Variants in ZNF254 observed in about 807,000 individuals in gnomAD.
ZNF254 encodes the protein CTD-2017D11.1.
In ZNF254, 10 loss-of-function variants were observed where a neutral mutation model predicts 12.4. The observed-to-expected ratio is 0.80, with a 90% CI of 0.50 to 1.36. The LOEUF (loss-of-function observed/expected upper bound fraction) is 1.36. Among genes scored for constraint, ZNF254 ranks in the 40% most tolerant of loss-of-function variants. The probability of loss-of-function intolerance (pLI) is 0.00; values close to 1 mark genes in which losing one functional copy is unlikely to be tolerated. For synonymous variants in ZNF254, 305 were observed against 253.4 expected, an observed-to-expected ratio of 1.20 and a Z score of -1.93; for missense variants, 996 against 763.9, an observed-to-expected ratio of 1.30 and a Z score of -3.58.
At chr19:24,115,580 C>T (rs183339098) in intron 3 of ZNF254, among the ~76,000 whole-genome samples, 5 of 151,576 alleles carry the variant, frequency 3.3e-5, no homozygotes, top group South Asian at 2.1e-4. Flanking sequence ...TGCTAGATGA[C>T]GAGTTAATGG....
chr19:24,100,140 T>A (rs1198978214), intron 1 of ZNF254, among the ~76,000 whole-genome samples: 1 of 152,158 alleles, frequency 6.6e-6, no homozygotes, highest in East Asian at 1.9e-4. Context: ...ATAGGGCAGA[T>A]ATTAATCATT....
rs1313434096 is a variant in ZNF254, at chr19:24,127,846, A to G, written c.1846A>G (p.Thr616Ala). The G allele has an allele frequency of 5.0e-6, 8 of 1,613,284 alleles. No homozygotes were observed. The change falls in exon 4 of 4, where the codon ACC becomes GCC. Residue 616 changes from threonine (T) to alanine (A), a missense_variant. Coordinates refer to ENST00000357002, the MANE Select transcript of ZNF254 (RefSeq NM_203282.4). The part of the protein sequence containing the change: ...ECGKAFFWSS[T>A]LTKHKRIHTG... ...TGGCAAAGCATTTTTCTGGTCCTCA[A>G]CCCTAACTAAACATAAGAGAATTCA...
intron 2 of ZNF254, among the ~76,000 whole-genome samples, chr19:24,047,597 T>C (rs1308836979): frequency 2.0e-5 from 1 of 49,980 alleles, no homozygotes; most frequent in African/African-American, 9.2e-5. Flanking sequence ...TCATTCTTCC[T>C]TTTTTTTTTT....
chr19:24,067,312 A>C (rs760109376), intron 2 of ZNF254, among the ~76,000 whole-genome samples: 1 of 151,924 alleles, frequency 6.6e-6, no homozygotes, highest in Non-Finnish European at 1.5e-5. Context: ...TGGGCCCAGC[A>C]CACAGGGGAT....
At chr19:24,082,148 A>G (rs1475382712) in intron 2 of ZNF254, among the ~76,000 whole-genome samples, 1 of 151,888 alleles carries the variant, frequency 6.6e-6, no homozygotes, top group African/African-American at 2.4e-5. Flanking sequence ...AAAAGATAAT[A>G]TCGAGTCTCG....
chr19:24,110,644 C>A (rs1344960410), intron 3 of ZNF254, among the ~76,000 whole-genome samples: 3 of 152,064 alleles, frequency 2.0e-5, no homozygotes, highest in African/African-American at 7.2e-5. Context: ...AATTTTACAT[C>A]TTGTAAAACT....
intron 2 of ZNF254, among the ~76,000 whole-genome samples, chr19:24,056,941 C>T (rs1395554357): frequency 6.6e-6 from 1 of 151,574 alleles, no homozygotes; most frequent in African/African-American, 2.4e-5. Flanking sequence ...CTGCTCACTC[C>T]CTATCCACAG....
intron 1 of ZNF254, among the ~76,000 whole-genome samples, chr19:24,034,488 G>GTTTTTTT (rs963358053): frequency 1.9e-4 from 20 of 107,344 alleles, no homozygotes; most frequent in East Asian, 3.3e-4. Context: ...AGGTAAGTGG[G>GTTTTTTT]TTTTTTTTTT....
Position 24,071,837 on chromosome 19 carries a change from G to A in ZNF254, c.-94+25558G>A, listed in dbSNP as rs192898940. On this transcript the variant is annotated intron_variant, in intron 2 of 4. Transcript: ENST00000613065. The stretch of plus-strand genomic sequence containing the variant: ...AGGAGAGTTACATCACTTAGGTGAT[G>A]AACAAAATGATATGTCATAATTCCC... Among the ~76,000 whole-genome samples the A allele has an allele frequency of 3.0e-3, 459 of 152,210 alleles. 2 individuals carry two copies. Among genetic ancestry groups the A allele is most frequent in the African/African-American group, 0.011 (446 of 41,550 alleles).
chr19:24,063,251 C>T (rs994606697), intron 2 of ZNF254, among the ~76,000 whole-genome samples: 7 of 152,224 alleles, frequency 4.6e-5, no homozygotes, highest in Non-Finnish European at 1.0e-4. Context: ...AATGTCATCA[C>T]AAGACCTTTC....
At chr19:24,072,126 G>A (rs1432471501) in intron 2 of ZNF254, among the ~76,000 whole-genome samples, 1 of 151,610 alleles carries the variant, frequency 6.6e-6, no homozygotes, top group Non-Finnish European at 1.5e-5. Flanking sequence ...ACATATCACT[G>A]GACCCAGCAT....
At position 24,071,754 on chromosome 19, in the gene ZNF254, T is replaced by G. The variant is rs141648044; in HGVS notation, c.-94+25475T>G. 4.9e-4 allele frequency among the ~76,000 whole-genome samples: 75 copies of G among 152,276 alleles called. No individual in the cohort carries two copies. The East Asian group carries it at 0.012, about 25-fold the overall frequency. On this transcript the variant is annotated intron_variant, in intron 2 of 4. Transcript: ENST00000613065. Reference sequence around the variant, plus strand: ...CCAAGGAGGGATTGTGATGTATTGCTGGGCCCAGCACCTTGGTGATGTGAC... The same window carrying G: ...CCAAGGAGGGATTGTGATGTATTGCGGGGCCCAGCACCTTGGTGATGTGAC...
Position 24,127,033 on chromosome 19 carries a change from A to C in ZNF254, c.1033A>C (p.Thr345Pro). 3 of 1,613,720 alleles carry C rather than the reference A, an allele frequency of 1.9e-6. No homozygotes were observed. Among genetic ancestry groups the C allele is most frequent in the Non-Finnish European group, 2.5e-6 (3 of 1,179,824 alleles). ...STLTRHKRMHTGEKPYKCEEC... is the reference protein window; with the variant it reads ...STLTRHKRMHPGEKPYKCEEC... ...ACTAACTAGACATAAGAGGATGCAC[A>C]CTGGAGAGAAACCCTACAAATGTGA... Residue 345 changes from threonine to proline, a missense_variant, in exon 4 of 4, where the codon ACT becomes CCT. By Grantham distance (38) the Thr-to-Pro change is conservative. Coordinates refer to ENST00000357002, the MANE Select transcript of ZNF254 (RefSeq NM_203282.4).
intron 2 of ZNF254, among the ~76,000 whole-genome samples, chr19:24,073,629 G>C (rs1373708628): frequency 1.3e-5 from 2 of 152,150 alleles, no homozygotes; most frequent in African/African-American, 2.4e-5. Flanking sequence ...GTAGCCAAAA[G>C]CTGGAAAATT....
intron 3 of ZNF254, among the ~76,000 whole-genome samples, chr19:24,120,343 A>G (rs770046079): frequency 8.5e-5 from 13 of 152,156 alleles, no homozygotes; most frequent in Non-Finnish European, 1.6e-4. Context: ...TGGAATTTAC[A>G]TAAAACATCT....
At chr19:24,112,431 G>A (rs1157072123) in intron 3 of ZNF254, among the ~76,000 whole-genome samples, 3 of 147,870 alleles carry the variant, frequency 2.0e-5, no homozygotes, top group Admixed American at 6.8e-5. Flanking sequence ...TTGGTGATGC[G>A]GGCTCTTTTT....
chr19:24,047,254 TG>T, intron 2 of ZNF254, among the ~76,000 whole-genome samples: 1 of 152,190 alleles, frequency 6.6e-6, no homozygotes, highest in Non-Finnish European at 1.5e-5. Flanking sequence ...TCCTTTTTTT[TG>T]TTTTGTATTT....
intron 3 of ZNF254, among the ~76,000 whole-genome samples, chr19:24,115,294 G>C (rs576125044): frequency 2.2e-3 from 341 of 152,120 alleles, no homozygotes; most frequent in African/African-American, 4.8e-3. Context: ...AACAATGATA[G>C]ACTGGATTAA....
At chr19:24,120,654 T>TTG (rs1555770083) in intron 3 of ZNF254, among the ~76,000 whole-genome samples, 1 of 151,256 alleles carries the variant, frequency 6.6e-6, no homozygotes, top group African/African-American at 2.4e-5. Flanking sequence ...TTAGCATTTC[T>TTG]TTGTTGTTGT....
Sources: allele counts gnomAD v4.1 joint callset (sites outside exome capture counted in the v4.1 genomes callset), GRCh38; gene constraint gnomAD v4.1.1; transcripts MANE v1.5; gene names NCBI Gene and HGNC (gene_info 2026-07-23, HGNC 2026-07-21).